Variants in ADGRB3 observed in about 807,000 individuals in gnomAD.
ADGRB3 encodes the protein adhesion G protein-coupled receptor B3.
ADGRB3 carries 37 observed loss-of-function variants against 193.4 expected under a neutral mutation model. The ratio of observed to expected loss-of-function variants is 0.19; its 90% confidence interval spans 0.15 to 0.25. The LOEUF is 0.25. Among genes scored for constraint, ADGRB3 ranks in the 10% least tolerant of loss-of-function variants. The pLI is 1.00. For missense variants in ADGRB3, 1,637 were observed against 1,852.9 expected (o/e 0.88, Z 2.14); for synonymous variants, 690 against 644.2 (o/e 1.07, Z -1.08).
At chr6:68,677,521 C>CTTTTTTTTTT (rs1002070733) in intron 3 of ADGRB3, among the ~76,000 whole-genome samples, 52 of 120,314 alleles carry the variant, frequency 4.3e-4, no homozygotes, top group Non-Finnish European at 6.3e-4. Flanking sequence ...TTCTTTTTTT[C>CTTTTTTTTTT]TTTTTTTTTT....
intron 10 of ADGRB3, among the ~76,000 whole-genome samples, chr6:68,984,015 T>C (rs1769002248): frequency 6.6e-6 from 1 of 152,084 alleles, no homozygotes. Flanking sequence ...CTTGAGGTCT[T>C]TAAGAAAGCA....
At chr6:69,318,916 G>C (rs1307734670) in intron 20 of ADGRB3, among the ~76,000 whole-genome samples, 1 of 149,082 alleles carries the variant, frequency 6.7e-6, no homozygotes, top group African/African-American at 2.5e-5. Flanking sequence ...TATTTATTTT[G>C]CTTTTTCTCT....
intron 3 of ADGRB3, among the ~76,000 whole-genome samples, chr6:68,809,161 C>G (rs1258348184): frequency 6.6e-6 from 1 of 152,092 alleles, no homozygotes; most frequent in Admixed American, 6.5e-5. Context: ...ATAAACGTTT[C>G]TAGAGCACAC....
intron 3 of ADGRB3, among the ~76,000 whole-genome samples, chr6:68,926,898 G>A (rs925919158): frequency 6.6e-6 from 1 of 152,026 alleles, no homozygotes; most frequent in East Asian, 1.9e-4. Context: ...CTGGATGGGG[G>A]AAGAAATGAC....
At chr6:68,884,154 T>A (rs1331972582) in intron 3 of ADGRB3, among the ~76,000 whole-genome samples, 1 of 152,196 alleles carries the variant, frequency 6.6e-6, no homozygotes, top group African/African-American at 2.4e-5. Context: ...TTAAATCGAC[T>A]TACTTTTAGA....
At chr6:69,140,177 A>T (rs990721762) in intron 17 of ADGRB3, among the ~76,000 whole-genome samples, 1 of 152,242 alleles carries the variant, frequency 6.6e-6, no homozygotes, top group East Asian at 1.9e-4. Flanking sequence ...TGACAATATT[A>T]TATTGGTAAG....
At chr6:68,857,962 G>A (rs186964984) in intron 3 of ADGRB3, among the ~76,000 whole-genome samples, 482 of 152,222 alleles carry the variant, frequency 3.2e-3, no homozygotes, top group Middle Eastern at 6.8e-3. Flanking sequence ...TTTTAAAAAT[G>A]GGAGTTACCC....
intron 20 of ADGRB3, among the ~76,000 whole-genome samples, chr6:69,265,447 G>A (rs779638353): frequency 6.6e-6 from 1 of 151,864 alleles, no homozygotes; most frequent in Non-Finnish European, 1.5e-5. Flanking sequence ...TGCAGGTCCT[G>A]TTCTTATCCC....
chr6:69,231,249 C>T (rs967923883), intron 17 of ADGRB3, among the ~76,000 whole-genome samples: 4 of 152,160 alleles, frequency 2.6e-5, no homozygotes, highest in Non-Finnish European at 4.4e-5. Context: ...TTGATGCTAA[C>T]ATCATCTTGA....
intron 17 of ADGRB3, among the ~76,000 whole-genome samples, chr6:69,195,768 T>G (rs997926251): frequency 6.6e-6 from 1 of 152,134 alleles, no homozygotes; most frequent in African/African-American, 2.4e-5. Flanking sequence ...CCTGGTGGAA[T>G]CATAGTCTCT....
At chr6:69,001,719 C>G (rs1769583523) in intron 11 of ADGRB3, among the ~76,000 whole-genome samples, 1 of 152,206 alleles carries the variant, frequency 6.6e-6, no homozygotes, top group African/African-American at 2.4e-5. Flanking sequence ...CAGGTCCTCA[C>G]AGTGTACTGT....
intron 13 of ADGRB3, among the ~76,000 whole-genome samples, chr6:69,029,104 C>G (rs946618191): frequency 6.6e-6 from 1 of 152,048 alleles, no homozygotes; most frequent in African/African-American, 2.4e-5. Flanking sequence ...CTTGCTCAGC[C>G]AACCACATTC....
chr6:68,650,955 T>C (rs943748453), intron 3 of ADGRB3, among the ~76,000 whole-genome samples: 25 of 152,232 alleles, frequency 1.6e-4, no homozygotes, highest in African/African-American at 5.1e-4. Context: ...CTGGATGTTT[T>C]TGGAAATACT....
chr6:68,784,951 C>T (rs1766930427), intron 3 of ADGRB3, among the ~76,000 whole-genome samples: 1 of 151,828 alleles, frequency 6.6e-6, no homozygotes, highest in Admixed American at 6.6e-5. Context: ...AGATTACTGC[C>T]AAATATTGTG....
At chr6:69,060,194 C>CTT (rs1554255543) in intron 15 of ADGRB3, among the ~76,000 whole-genome samples, 85 of 149,072 alleles carry the variant, frequency 5.7e-4, no homozygotes, top group African/African-American at 2.0e-3. Context: ...CTTTCTCTCT[C>CTT]TCTCTTTCTC....
Position 69,168,269 on chromosome 6 carries a change from C to T in ADGRB3, c.2481-65021C>T, listed in dbSNP as rs141550751. On this transcript the variant is annotated intron_variant, in intron 17 of 31. Coordinates refer to ENST00000370598, the MANE Select transcript of ADGRB3 (RefSeq NM_001704.3). ...ACAGGGAAAATGCTGGGTTCAATTT[C>T]ATCAGCCGAAAAACGGTTTGGAGAT... Among the ~76,000 whole-genome samples, 131 of 152,178 alleles carry T rather than the reference C, an allele frequency of 8.6e-4. 1 individual carries two copies. The highest frequency in any genetic ancestry group is 2.9e-3 in the African/African-American group (119 of 41,530).
At chr6:69,140,674 A>G (rs949845676) in intron 17 of ADGRB3, among the ~76,000 whole-genome samples, 1 of 152,242 alleles carries the variant, frequency 6.6e-6, no homozygotes, top group African/African-American at 2.4e-5. Flanking sequence ...TGTAACACAA[A>G]AGATAAATGT....
At chr6:68,884,411 T>C (rs759721011) in intron 3 of ADGRB3, among the ~76,000 whole-genome samples, 1 of 152,044 alleles carries the variant, frequency 6.6e-6, no homozygotes, top group African/African-American at 2.4e-5. Context: ...TGACCTAAAT[T>C]GGATTGAGAG....
At chr6:68,986,248 G>A (rs1769068298) in intron 10 of ADGRB3, among the ~76,000 whole-genome samples, 1 of 152,058 alleles carries the variant, frequency 6.6e-6, no homozygotes, top group South Asian at 2.1e-4. Flanking sequence ...TCAAATTCAT[G>A]CTGTCCAATC....
Sources: allele counts gnomAD v4.1 joint callset (sites outside exome capture counted in the v4.1 genomes callset), GRCh38; gene constraint gnomAD v4.1.1; transcripts MANE v1.5; gene names NCBI Gene and HGNC (gene_info 2026-07-23, HGNC 2026-07-21).